Variants in SYNPR observed in about 807,000 individuals in gnomAD.
The protein encoded by SYNPR is synaptoporin.
In SYNPR, 23 loss-of-function variants were observed where a neutral mutation model predicts 32.9. The observed-to-expected ratio is 0.70, with a 90% CI of 0.50 to 0.99. The LOEUF is 0.99. Ranked by LOEUF, SYNPR falls within the 50% of genes least tolerant of loss-of-function variation. The pLI is 0.00. For synonymous variants in SYNPR, 146 were observed against 135.9 expected (o/e 1.07, Z -0.52); for missense variants, 318 against 349.3 (o/e 0.91, Z 0.71).
At chr3:63,278,267 CT>C, upstream of SYNPR, 1 of 468,574 alleles carries the variant, frequency 2.1e-6, no homozygotes, top group Non-Finnish European at 3.8e-6. Flanking sequence ...GGGTTTCCCC[CT>C]CCCCTGTTGT....
At chr3:63,283,623 CTT>C (rs10650958) in intron 2 of SYNPR, among the ~76,000 whole-genome samples, 9 of 111,516 alleles carry the variant, frequency 8.1e-5, no homozygotes, top group Admixed American at 1.0e-4. Flanking sequence ...ACAGATAATT[CTT>C]TTTTTTTTTT....
upstream of SYNPR, among the ~76,000 whole-genome samples, chr3:63,277,746 C>G (rs946456401): frequency 2.6e-5 from 4 of 152,122 alleles, no homozygotes; most frequent in African/African-American, 9.7e-5. Flanking sequence ...CTGCCCTGTG[C>G]CCATGGCCCC....
At chr3:63,522,179 G>A (rs984190332) in intron 3 of SYNPR, among the ~76,000 whole-genome samples, 6 of 152,186 alleles carry the variant, frequency 3.9e-5, no homozygotes, top group Non-Finnish European at 8.8e-5. Flanking sequence ...CAGCAGAAAT[G>A]TTTGCTGCGG....
intron 2 of SYNPR, among the ~76,000 whole-genome samples, chr3:63,373,684 C>A (rs1173736458): frequency 6.6e-6 from 1 of 152,092 alleles, no homozygotes; most frequent in Non-Finnish European, 1.5e-5. Flanking sequence ...AACTTCCCAA[C>A]CTCTCTGGAA....
intron 2 of SYNPR, chr3:63,443,574 T>C: frequency 7.6e-7 from 1 of 1,318,762 alleles, no homozygotes. Flanking sequence ...TTTCCAAGTA[T>C]CAGTTTTTAA....
chr3:63,292,763 C>T (rs2086752358), intron 2 of SYNPR, among the ~76,000 whole-genome samples: 1 of 152,196 alleles, frequency 6.6e-6, no homozygotes, highest in Non-Finnish European at 1.5e-5. Context: ...TCTGCTTCTC[C>T]AGTTATCTCT....
intron 3 of SYNPR, among the ~76,000 whole-genome samples, chr3:63,552,920 C>G (rs1702528412): frequency 6.6e-6 from 1 of 152,084 alleles, no homozygotes. Flanking sequence ...ATGTTATTAA[C>G]ATTATTATCT....
intron 2 of SYNPR, among the ~76,000 whole-genome samples, chr3:63,341,221 T>C (rs986688047): frequency 1.3e-5 from 2 of 152,256 alleles, no homozygotes; most frequent in Non-Finnish European, 2.9e-5. Flanking sequence ...TGATAGCTCA[T>C]TTATTTTTTA....
At chr3:63,389,437 TCA>T in intron 2 of SYNPR, among the ~76,000 whole-genome samples, 1 of 152,176 alleles carries the variant, frequency 6.6e-6, no homozygotes, top group Non-Finnish European at 1.5e-5. Flanking sequence ...CATCCCAGAT[TCA>T]GTTCTGAGCA....
chr3:63,413,615 C>G (rs17393569), intron 2 of SYNPR, among the ~76,000 whole-genome samples: 5,362 of 152,272 alleles, frequency 0.035, 149 homozygotes, highest in Admixed American at 0.084. Flanking sequence ...ACCACTTTGG[C>G]AGAGTACAGT....
chr3:63,453,523 T>A (rs1378506081), intron 2 of SYNPR, among the ~76,000 whole-genome samples: 1 of 152,142 alleles, frequency 6.6e-6, no homozygotes, highest in Non-Finnish European at 1.5e-5. Context: ...GGCTGTTAGA[T>A]GAGAATTGAG....
chr3:63,218,068 G>T, the SYNPR span, among the ~76,000 whole-genome samples: 1 of 152,150 alleles, frequency 6.6e-6, no homozygotes, highest in Admixed American at 6.5e-5. Flanking sequence ...GGGAGGTGGA[G>T]GTTGCAGTGA....
At chr3:63,408,274 A>G (rs1575629081) in intron 2 of SYNPR, among the ~76,000 whole-genome samples, 7 of 109,064 alleles carry the variant, frequency 6.4e-5, no homozygotes, top group Non-Finnish European at 1.1e-4. Context: ...AGAAAGAAAG[A>G]AAGAGGAAGG....
At chr3:63,475,264 C>T (rs1700879033) in intron 2 of SYNPR, among the ~76,000 whole-genome samples, 1 of 152,148 alleles carries the variant, frequency 6.6e-6, no homozygotes, top group South Asian at 2.1e-4. Flanking sequence ...CGTAGATCAT[C>T]TAAGACAGTA....
chr3:63,238,564 A>G (rs2106878526), intron 1 of SYNPR, among the ~76,000 whole-genome samples: 1 of 152,212 alleles, frequency 6.6e-6, no homozygotes. Context: ...GAACAGGAGA[A>G]CCTTCTTGTT....
At chr3:63,317,179 A>G (rs889010346) in intron 2 of SYNPR, among the ~76,000 whole-genome samples, 1 of 152,026 alleles carries the variant, frequency 6.6e-6, no homozygotes, top group African/African-American at 2.4e-5. Flanking sequence ...AGAAAGTTCC[A>G]TGCACTGTTG....
At chr3:63,257,618 CAA>C (rs2086396568) in intron 2 of SYNPR, among the ~76,000 whole-genome samples, 1 of 152,142 alleles carries the variant, frequency 6.6e-6, no homozygotes, top group Non-Finnish European at 1.5e-5. Context: ...AAAAACATGC[CAA>C]ATTGTAAAGA....
chr3:63,513,468 A>T (rs1182003712), intron 3 of SYNPR, among the ~76,000 whole-genome samples: 1 of 152,120 alleles, frequency 6.6e-6, no homozygotes, highest in Non-Finnish European at 1.5e-5. Context: ...GTCCTTTTTA[A>T]TAGCTGCATG....
chr3:63,300,106 T>C (rs1427719020), intron 2 of SYNPR, among the ~76,000 whole-genome samples: 1 of 152,098 alleles, frequency 6.6e-6, no homozygotes, highest in South Asian at 2.1e-4. Flanking sequence ...TTTTTGATAA[T>C]GGTTCCAAGC....
Sources: allele counts gnomAD v4.1 joint callset (sites outside exome capture counted in the v4.1 genomes callset), GRCh38; gene constraint gnomAD v4.1.1; transcripts MANE v1.5; gene names NCBI Gene and HGNC (gene_info 2026-07-23, HGNC 2026-07-21).